The following TRPM3 variants were observed in gnomAD, a reference collection of about 807,000 sequenced individuals.
TRPM3 encodes the protein transient receptor potential cation channel subfamily M member 3.
A neutral mutation model predicts 181.2 loss-of-function variants in TRPM3; 77 were observed. The observed-to-expected ratio is 0.42, with a 90% CI of 0.35 to 0.51. TRPM3 has a LOEUF of 0.51. Ranked by LOEUF, TRPM3 falls within the 20% of genes least tolerant of loss-of-function variation. The pLI, the probability that TRPM3 is intolerant of heterozygous loss-of-function variation, is 0.01. For synonymous variants in TRPM3, 745 were observed against 796.4 expected, an observed-to-expected ratio of 0.94 and a Z score of 1.09; for missense variants, 1,759 against 2,196.7, an observed-to-expected ratio of 0.80 and a Z score of 3.98.
intron 1 of TRPM3, among the ~76,000 whole-genome samples, chr9:71,397,503 T>C (rs1243874998): frequency 2.0e-5 from 3 of 152,188 alleles, no homozygotes; most frequent in African/African-American, 4.8e-5. Flanking sequence ...TTAAAGTGTT[T>C]GTTGGGTTAA....
At chr9:71,162,163 G>A (rs1384377146) in intron 1 of TRPM3, among the ~76,000 whole-genome samples, 1 of 127,576 alleles carries the variant, frequency 7.8e-6, no homozygotes, top group African/African-American at 3.0e-5. Flanking sequence ...TCGTGCCACT[G>A]CACTCCAAGC....
Position 70,846,340 on chromosome 9 carries a change from T to C in TRPM3, c.676+38A>G, listed in dbSNP as rs560738815. Reference sequence around the variant, plus strand: ...AATTACATCAGGCACAACATTCCCATGGCCTATGTTGACTTTCTCTGTTCC... The same window carrying C: ...AATTACATCAGGCACAACATTCCCACGGCCTATGTTGACTTTCTCTGTTCC... On this transcript the variant is annotated intron_variant, in intron 4 of 25. Coordinates refer to ENST00000677713, the MANE Select transcript of TRPM3 (RefSeq NM_001366145.2). 7.1e-6 allele frequency: 11 copies of C among 1,559,178 alleles called. No homozygotes were observed. The South Asian group carries it at 1.0e-4, about 14-fold the overall frequency.
intron 1 of TRPM3, chr9:70,917,201 T>C (rs1231839308): frequency 1.9e-6 from 3 of 1,602,944 alleles, no homozygotes; most frequent in East Asian, 2.2e-5. Context: ...CACAACTTTA[T>C]TGAAGTCCTG....
At chr9:71,432,323 C>CTTTTTTT (rs67905820) in intron 1 of TRPM3, among the ~76,000 whole-genome samples, 9 of 76,652 alleles carry the variant, frequency 1.2e-4, no homozygotes, top group African/African-American at 1.4e-4. Flanking sequence ...AAAAGTAGGA[C>CTTTTTTT]TTTTTTTTTT....
chr9:71,006,222 T>C (rs943626649), intron 1 of TRPM3, among the ~76,000 whole-genome samples: 5 of 151,972 alleles, frequency 3.3e-5, no homozygotes, highest in Non-Finnish European at 7.4e-5. Context: ...GATCAAAAAT[T>C]CTACTAGAGA....
At chr9:71,115,603 C>T (rs1228033583) in intron 1 of TRPM3, among the ~76,000 whole-genome samples, 1 of 152,104 alleles carries the variant, frequency 6.6e-6, no homozygotes, top group Non-Finnish European at 1.5e-5. Context: ...GTCCTGGCTC[C>T]CTGCAGGAAG....
intron 1 of TRPM3, among the ~76,000 whole-genome samples, chr9:70,940,822 G>A (rs1431766726): frequency 6.6e-6 from 1 of 152,150 alleles, no homozygotes; most frequent in Non-Finnish European, 1.5e-5. Flanking sequence ...TAAATGCCTT[G>A]AGGAGAGAAA....
chr9:70,814,642 T>C (rs1322461058), intron 6 of TRPM3, among the ~76,000 whole-genome samples: 1 of 152,158 alleles, frequency 6.6e-6, no homozygotes, highest in Non-Finnish European at 1.5e-5. Context: ...TTAACCAGCC[T>C]CTCTTATGTT....
At chr9:70,998,224 CAT>C (rs1554794808) in intron 1 of TRPM3, among the ~76,000 whole-genome samples, 86 of 128,578 alleles carry the variant, frequency 6.7e-4, no homozygotes, top group African/African-American at 1.9e-3. Flanking sequence ...CATATATATA[CAT>C]ATACACACAC....
chr9:70,814,384 G>T (rs1275733338), intron 6 of TRPM3, among the ~76,000 whole-genome samples: 2 of 152,138 alleles, frequency 1.3e-5, no homozygotes, highest in Non-Finnish European at 2.9e-5. Flanking sequence ...CCACTAGATT[G>T]TTCTCATGAT....
At chr9:71,420,651 G>A (rs112910176) in intron 1 of TRPM3, among the ~76,000 whole-genome samples, 1 of 84,624 alleles carries the variant, frequency 1.2e-5, no homozygotes, top group Non-Finnish European at 3.2e-5. Context: ...GAGAGAAAGA[G>A]AAAGAAAAAG....
rs534028155 is a variant in TRPM3, at chr9:71,198,086, A to C, written c.183+248567T>G. On this transcript the variant is annotated intron_variant, in intron 1 of 24. Transcript: ENST00000357533. ...AAGGGATCCAGTTTCAGCTTTCTACATATGGCTAGCCAGTCTTCCCAGCAC... is the reference window on the plus strand; with the variant it reads ...AAGGGATCCAGTTTCAGCTTTCTACCTATGGCTAGCCAGTCTTCCCAGCAC... Among the ~76,000 whole-genome samples, 467 of 148,100 alleles carry C rather than the reference A, an allele frequency of 3.2e-3. 5 individuals carry two copies. Among genetic ancestry groups the C allele is most frequent in the African/African-American group, 0.011 (446 of 40,626 alleles).
At chr9:70,839,968 G>A (rs1024560632) in intron 5 of TRPM3, among the ~76,000 whole-genome samples, 6 of 152,112 alleles carry the variant, frequency 3.9e-5, no homozygotes, top group South Asian at 2.1e-4. Context: ...AAAGAGTTGC[G>A]ACTGTGTAAG....
At chr9:70,828,084 T>A (rs1480370534) in intron 5 of TRPM3, 66 bp from the exon 6 acceptor site, 3 of 1,458,340 alleles carry the variant, frequency 2.1e-6, no homozygotes, top group South Asian at 1.2e-5. Context: ...AAAAGGAGAA[T>A]CAGACAGAGG....
chr9:71,350,226 T>C (rs2091543963), intron 1 of TRPM3, among the ~76,000 whole-genome samples: 1 of 152,156 alleles, frequency 6.6e-6, no homozygotes, highest in South Asian at 2.1e-4. Context: ...ATTTATATAC[T>C]GTTTCAATTT....
chr9:70,683,733 G>A (rs1427151301), intron 8 of TRPM3, among the ~76,000 whole-genome samples: 1 of 152,068 alleles, frequency 6.6e-6, no homozygotes, highest in African/African-American at 2.4e-5. Flanking sequence ...TGGCCAAGAT[G>A]CCATCTGGAC....
chr9:71,195,374 A>G (rs1565326927), intron 1 of TRPM3, among the ~76,000 whole-genome samples: 1 of 151,986 alleles, frequency 6.6e-6, no homozygotes, highest in African/African-American at 2.4e-5. Flanking sequence ...CATGCGGCCA[A>G]CAAGTATATG....
At chr9:71,299,310 T>C (rs780282347) in intron 1 of TRPM3, among the ~76,000 whole-genome samples, 2 of 152,214 alleles carry the variant, frequency 1.3e-5, no homozygotes, top group Non-Finnish European at 2.9e-5. Context: ...TCACCCAAAA[T>C]TGACCTAAGA....
At chr9:70,562,872 A>G (rs1185838344) in intron 22 of TRPM3, among the ~76,000 whole-genome samples, 4 of 152,198 alleles carry the variant, frequency 2.6e-5, no homozygotes, top group Admixed American at 2.6e-4. Context: ...TGTACACGCC[A>G]GTGGGTTTGC....
Sources: gnomAD v4.1 joint callset for allele counts (sites outside exome capture counted in the v4.1 genomes callset) on GRCh38, gnomAD v4.1.1 for gene constraint, MANE v1.5 for transcripts, NCBI Gene and HGNC (gene_info 2026-07-23, HGNC 2026-07-21) for gene names.